The following KCNH7 variants were observed in gnomAD, a reference collection of about 807,000 sequenced individuals.
KCNH7 encodes potassium voltage-gated channel subfamily H member 7.
A neutral mutation model predicts 120.8 loss-of-function variants in KCNH7; 49 were observed. The ratio of observed to expected loss-of-function variants is 0.41; its 90% confidence interval spans 0.32 to 0.51. The LOEUF is 0.51. Among genes scored for constraint, KCNH7 ranks in the 20% least tolerant of loss-of-function variants. KCNH7 has a pLI of 0.38. For missense variants in KCNH7, 1,097 were observed against 1,446.6 expected, an observed-to-expected ratio of 0.76 and a Z score of 3.92; for synonymous variants, 547 against 516.1, an observed-to-expected ratio of 1.06 and a Z score of -0.81.
At chr2:162,591,756 T>A (rs914523843) in intron 2 of KCNH7, among the ~76,000 whole-genome samples, 6 of 152,144 alleles carry the variant, frequency 3.9e-5, no homozygotes, top group Non-Finnish European at 7.4e-5. Flanking sequence ...AAATATGTTC[T>A]TATTTTAGAA....
chr2:162,805,947 C>G (rs1329248214), intron 2 of KCNH7, among the ~76,000 whole-genome samples: 4 of 152,026 alleles, frequency 2.6e-5, no homozygotes, highest in Admixed American at 2.0e-4. Context: ...TTGGATGGAG[C>G]TGGAGGCCAT....
At chr2:162,712,807 C>G (rs1287169556) in intron 2 of KCNH7, among the ~76,000 whole-genome samples, 1 of 152,170 alleles carries the variant, frequency 6.6e-6, no homozygotes, top group Non-Finnish European at 1.5e-5. Flanking sequence ...AGCCACTTGT[C>G]AGAGCAGTTC....
chr2:162,556,541 G>A (rs60640203), intron 2 of KCNH7, among the ~76,000 whole-genome samples: 1 of 152,034 alleles, frequency 6.6e-6, no homozygotes, highest in Non-Finnish European at 1.5e-5. Flanking sequence ...GGGACAAAAA[G>A]ATTCCCCAAA....
At chr2:162,802,104 T>C (rs558326713) in intron 2 of KCNH7, among the ~76,000 whole-genome samples, 2 of 151,808 alleles carry the variant, frequency 1.3e-5, no homozygotes, top group East Asian at 1.9e-4. Context: ...TTGTGTGAGG[T>C]TGGAAAATTT....
At chr2:162,396,243 C>T (rs1201357815) in intron 11 of KCNH7, among the ~76,000 whole-genome samples, 1 of 151,654 alleles carries the variant, frequency 6.6e-6, no homozygotes, top group African/African-American at 2.4e-5. Flanking sequence ...ACTGTAAAAC[C>T]TGACTAATTT....
chr2:162,760,837 G>C, intron 2 of KCNH7, among the ~76,000 whole-genome samples: 1 of 152,026 alleles, frequency 6.6e-6, no homozygotes, highest in Non-Finnish European at 1.5e-5. Context: ...AACAGCACAC[G>C]TAAGATTTCT....
intron 2 of KCNH7, among the ~76,000 whole-genome samples, chr2:162,640,303 A>G (rs913668001): frequency 5.9e-5 from 9 of 152,186 alleles, no homozygotes; most frequent in Non-Finnish European, 1.2e-4. Context: ...AAGACTTATA[A>G]CATAGCTACC....
At chr2:162,422,345 T>C (rs1220144530) in intron 9 of KCNH7, among the ~76,000 whole-genome samples, 1 of 152,198 alleles carries the variant, frequency 6.6e-6, no homozygotes, top group Non-Finnish European at 1.5e-5. Flanking sequence ...ATTTAAATTG[T>C]ACAGGCTCAC....
At chr2:162,383,283 T>C (rs1235409439) in intron 13 of KCNH7, among the ~76,000 whole-genome samples, 1 of 151,972 alleles carries the variant, frequency 6.6e-6, no homozygotes, top group Non-Finnish European at 1.5e-5. Context: ...TGATACAACC[T>C]GTTTCTATTT....
chr2:162,632,431 C>G (rs1180500672), intron 2 of KCNH7, among the ~76,000 whole-genome samples: 1 of 151,968 alleles, frequency 6.6e-6, no homozygotes, highest in East Asian at 1.9e-4. Context: ...CATAGGATAT[C>G]AATTTCCCTT....
intron 2 of KCNH7, among the ~76,000 whole-genome samples, chr2:162,601,610 C>T (rs1000630146): frequency 1.3e-5 from 2 of 151,706 alleles, no homozygotes; most frequent in African/African-American, 4.8e-5. Context: ...AACTTGTCTT[C>T]TTTGAAGGTT....
At chr2:162,419,609 G>A (rs888796768) in intron 9 of KCNH7, among the ~76,000 whole-genome samples, 5 of 152,010 alleles carry the variant, frequency 3.3e-5, no homozygotes, top group Non-Finnish European at 5.9e-5. Flanking sequence ...TGGGGGAGGA[G>A]GTGCTATTTT....
rs1039280019 is a variant in KCNH7, at chr2:162,379,715, C to G, written c.3131+138G>C. ...TCAACACAAATTATTCTGTCAACTT[C>G]TAGTCTTATTTTAAATAAGTAAATG... On this transcript the variant is annotated intron_variant, in intron 14 of 15. Transcript: ENST00000332142. The G allele has an allele frequency of 5.0e-6, 4 of 801,002 alleles. No homozygotes were observed. The African/African-American group carries it at 7.0e-5, about 14-fold the overall frequency. 49.6% of individuals were successfully genotyped at this position (801,002 alleles called of 1,614,324 possible).
At chr2:162,541,162 GA>G (rs1186570059) in intron 2 of KCNH7, among the ~76,000 whole-genome samples, 2 of 152,090 alleles carry the variant, frequency 1.3e-5, no homozygotes, top group Non-Finnish European at 1.5e-5. Context: ...GAGATGTTGA[GA>G]AGGTAGTTGG....
intron 14 of KCNH7, among the ~76,000 whole-genome samples, chr2:162,379,023 C>T (rs749605937): frequency 3.9e-4 from 59 of 152,296 alleles, no homozygotes; most frequent in Middle Eastern, 3.4e-3. Context: ...TGTGCGTGTT[C>T]GAAATGTGTT....
At chr2:162,606,279 T>C (rs548897395) in intron 2 of KCNH7, among the ~76,000 whole-genome samples, 2 of 152,126 alleles carry the variant, frequency 1.3e-5, no homozygotes, top group Admixed American at 1.3e-4. Flanking sequence ...AGAGTATAAG[T>C]AAGTGAAAGA....
At chr2:162,757,114 G>T (rs1226816753) in intron 2 of KCNH7, among the ~76,000 whole-genome samples, 2 of 152,076 alleles carry the variant, frequency 1.3e-5, no homozygotes, top group Non-Finnish European at 2.9e-5. Flanking sequence ...TTTTAGTTGT[G>T]CATTTTTCAT....
chr2:162,502,391 T>C (rs139892069), intron 6 of KCNH7: 4 of 152,210 alleles, frequency 2.6e-5, no homozygotes, highest in African/African-American at 7.2e-5. Context: ...AGTACTAGGA[T>C]GGACACTTTC....
In KCNH7 at chr2:162,372,077, G is replaced by A. The variant is rs142248539; in HGVS notation, c.3343C>T (p.Leu1115Phe). 1.7e-4 allele frequency: 277 copies of A among 1,611,510 alleles called. 1 individual carries two copies. The African/African-American group carries it at 3.5e-3, about 20-fold the overall frequency. ...PSSQCPEFLD[L>F]EKSKLKSKES... ...TTGGATTTAAGTTTAGATTTTTCAAGGTCTAGAAATTCAGGACACTGATGG... is the reference window on the plus strand; with the variant it reads ...TTGGATTTAAGTTTAGATTTTTCAAAGTCTAGAAATTCAGGACACTGATGG... The change falls in exon 16 of 16, where the codon CTT becomes TTT. Residue 1115 changes from leucine (L) to phenylalanine (F), a missense_variant. Leu to Phe is a conservative substitution (Grantham distance 22). Around this residue, in one of 8 missense-constraint regions of KCNH7, gnomAD observed 406 missense variants for 410.5 expected, o/e 0.99. Coordinates refer to ENST00000332142, the MANE Select transcript of KCNH7 (RefSeq NM_033272.4).
Sources: allele counts gnomAD v4.1 joint callset (sites outside exome capture counted in the v4.1 genomes callset), GRCh38; gene constraint gnomAD v4.1.1; regional missense constraint gnomAD v4.1.1; transcripts MANE v1.5; gene names NCBI Gene and HGNC (gene_info 2026-07-23, HGNC 2026-07-21).